The following TUNAR variants were observed in gnomAD, a reference collection of about 807,000 sequenced individuals.
TUNAR encodes protein TUNAR.
At chr14:95,913,157 T>TTTTTTTA (rs1555376683) in intron 2 of TUNAR, among the ~76,000 whole-genome samples, 7 of 150,296 alleles carry the variant, frequency 4.7e-5, no homozygotes, top group African/African-American at 1.7e-4. Flanking sequence ...TTTTTTTTTT[T>TTTTTTTA]AAATTCTACT....
rs1310997917 is a variant in TUNAR at position 95,895,947 on chromosome 14, A to C, written c.12+18770A>C. ...CCACCAGGTGGCCTTTTTCTTGGTA[A>C]GTTCCTTACAAAGCAACATGCTTTG... On this transcript the variant is annotated intron_variant, in intron 2 of 2. Transcript: ENST00000678517. The surrounding 1 kb of genome is among the most constrained non-coding windows in gnomAD (Gnocchi z 4.5). 1 of 152,144 alleles carries C rather than the reference A, an allele frequency of 6.6e-6. No individual in the cohort carries two copies. Among genetic ancestry groups the C allele is most frequent in the Non-Finnish European group, 1.5e-5 (1 of 68,040 alleles). 9.4% of individuals were successfully genotyped at this position (152,144 alleles called of 1,614,324 possible).
chr14:95,916,438 C>CGATG (rs1296761138), intron 2 of TUNAR, among the ~76,000 whole-genome samples: 2 of 152,166 alleles, frequency 1.3e-5, no homozygotes, highest in Non-Finnish European at 2.9e-5. Flanking sequence ...TTCATCCATG[C>CGATG]GATGGCACGT....
intron 2 of TUNAR, among the ~76,000 whole-genome samples, chr14:95,900,733 G>T (rs909868069): frequency 3.3e-5 from 5 of 152,190 alleles, no homozygotes; most frequent in Non-Finnish European, 2.9e-5. Context: ...GCCTTGGAGC[G>T]CATACTAGTT....
intron 2 of TUNAR, among the ~76,000 whole-genome samples, chr14:95,906,961 C>A (rs909919448): frequency 2.0e-4 from 31 of 152,194 alleles, no homozygotes; most frequent in African/African-American, 7.2e-4. Flanking sequence ...TCCTGTATTT[C>A]TTTTGCATAA....
At chr14:95,906,708 A>T (rs970000207) in intron 2 of TUNAR, among the ~76,000 whole-genome samples, 4 of 152,090 alleles carry the variant, frequency 2.6e-5, no homozygotes, top group African/African-American at 9.7e-5. Flanking sequence ...CCACTTATTA[A>T]TGTTTACATT....
At chr14:95,883,722 A>AC (rs144578165) in intron 2 of TUNAR, among the ~76,000 whole-genome samples, 186 of 151,004 alleles carry the variant, frequency 1.2e-3, no homozygotes, top group Middle Eastern at 3.4e-3. Flanking sequence ...GGGCCAAGCC[A>AC]CCCCCCCGCC....
chr14:95,881,972 C>A (rs904325841), intron 2 of TUNAR, among the ~76,000 whole-genome samples: 1 of 152,210 alleles, frequency 6.6e-6, no homozygotes, highest in Non-Finnish European at 1.5e-5. Flanking sequence ...GACGTCTTCA[C>A]CAACAGACCC....
chr14:95,893,983 C>T (rs1394549286), intron 2 of TUNAR, among the ~76,000 whole-genome samples: 1 of 152,250 alleles, frequency 6.6e-6, no homozygotes, highest in Admixed American at 6.5e-5. Context: ...GCCACTCTGG[C>T]TAATGCTGAT....
At position 95,898,059 on chromosome 14, in the gene TUNAR, G is replaced by A. The variant is rs530344929; in HGVS notation, c.12+20882G>A. On this transcript the variant is annotated intron_variant, in intron 2 of 2. Transcript: ENST00000678517. ...GCCCCCAGGTCATCTTGGGCTCACCGTCATTGCTTTCCTGGGTTGGAGGCT... is the reference window on the plus strand; with the variant it reads ...GCCCCCAGGTCATCTTGGGCTCACCATCATTGCTTTCCTGGGTTGGAGGCT... Among the ~76,000 whole-genome samples, 99 of 152,202 alleles carry A rather than the reference G, an allele frequency of 6.5e-4. 1 individual carries two copies. The highest frequency in any genetic ancestry group is 2.5e-4 in the Non-Finnish European group (17 of 68,016).
chr14:95,881,983 C>T (rs537069524), intron 2 of TUNAR, among the ~76,000 whole-genome samples: 1 of 152,332 alleles, frequency 6.6e-6, no homozygotes, highest in South Asian at 2.1e-4. Flanking sequence ...CAACAGACCC[C>T]TCCTTCCGTC....
At chr14:95,914,712 C>T (rs1595125356) in intron 2 of TUNAR, among the ~76,000 whole-genome samples, 1 of 152,174 alleles carries the variant, frequency 6.6e-6, no homozygotes, top group South Asian at 2.1e-4. Flanking sequence ...ATAGTGGCTG[C>T]CATTCATCAA....
At chr14:95,903,151 C>T (rs1425442206) in intron 2 of TUNAR, among the ~76,000 whole-genome samples, 1 of 152,142 alleles carries the variant, frequency 6.6e-6, no homozygotes, top group Non-Finnish European at 1.5e-5. Context: ...TGAGAGAATC[C>T]CAGCTCTCTC....
At chr14:95,893,899 G>A (rs146592712) in intron 2 of TUNAR, among the ~76,000 whole-genome samples, 2 of 152,348 alleles carry the variant, frequency 1.3e-5, no homozygotes, top group East Asian at 3.9e-4. Context: ...CGGTCTTTCT[G>A]GGCCTGTTCA....
At chr14:95,920,357 G>A (rs989806299) in intron 2 of TUNAR, among the ~76,000 whole-genome samples, 2 of 152,098 alleles carry the variant, frequency 1.3e-5, no homozygotes, top group African/African-American at 4.8e-5. Context: ...GTATCAAGCT[G>A]TACATTTAAA....
chr14:95,881,134 G>A (rs763522620), intron 2 of TUNAR, among the ~76,000 whole-genome samples: 3 of 152,198 alleles, frequency 2.0e-5, no homozygotes, highest in African/African-American at 4.8e-5. Context: ...ACTAAAAAAA[G>A]CATGCAGATG....
chr14:95,922,896 T>C (rs887223192), exon 3 of TUNAR: 1 of 398,910 alleles, frequency 2.5e-6, no homozygotes, highest in African/African-American at 2.1e-5. Context: ...GTCTTGGCAA[T>C]GCTGGGGATT....
In TUNAR at chr14:95,891,270, C is replaced by A. The variant is rs376283212; in HGVS notation, c.12+14093C>A. ...GGTTTTCCCTGGAGCTTGAGAGGAA[C>A]CTTTCACTCACCCACCTCCGAGTCT... On this transcript the variant is annotated intron_variant, in intron 2 of 2. Transcript: ENST00000678517. 1.3e-4 allele frequency among the ~76,000 whole-genome samples: 20 copies of A among 152,332 alleles called. 1 individual carries two copies. In the East Asian group the frequency reaches 1.7e-3, roughly 13 times the overall value.
At chr14:95,887,474 A>G (rs781655748) in intron 2 of TUNAR, among the ~76,000 whole-genome samples, 1 of 152,234 alleles carries the variant, frequency 6.6e-6, no homozygotes, top group Non-Finnish European at 1.5e-5. Context: ...CTGCTGGCTG[A>G]CTTCAAAACA....
At chr14:95,912,035 A>T (rs1372030181) in intron 2 of TUNAR, among the ~76,000 whole-genome samples, 1 of 152,194 alleles carries the variant, frequency 6.6e-6, no homozygotes, top group African/African-American at 2.4e-5. Flanking sequence ...CTCCTTGCAT[A>T]CCGGCGTTGT....
Sources: gnomAD v4.1 joint callset for allele counts (sites outside exome capture counted in the v4.1 genomes callset) on GRCh38, gnomAD v4.1.1 for gene constraint, Gnocchi (gnomAD v3.1) non-coding constraint, MANE v1.5 for transcripts, NCBI Gene and HGNC (gene_info 2026-07-23, HGNC 2026-07-21) for gene names.